ITGA11: variants seen among roughly 807,000 people sequenced by gnomAD.
ITGA11 encodes integrin subunit alpha 11, also known as integrin alpha-11.
Under a neutral mutation model 141.9 loss-of-function variants are expected in ITGA11, and 97 were observed. That is an observed-to-expected ratio of 0.68 (90% CI 0.58 to 0.81). The LOEUF (loss-of-function observed/expected upper bound fraction) is 0.81, where lower values mean the gene tolerates loss of function less well. ITGA11 is among the 30% of genes least tolerant of loss of function. ITGA11 has a pLI of 0.00. For missense variants in ITGA11, 1,387 were observed against 1,559.2 expected, an observed-to-expected ratio of 0.89 and a Z score of 1.86; for synonymous variants, 658 against 624.6, an observed-to-expected ratio of 1.05 and a Z score of -0.80.
chr15:68,385,242 C>T (rs1377491673), intron 2 of ITGA11, among the ~76,000 whole-genome samples: 1 of 152,218 alleles, frequency 6.6e-6, no homozygotes, highest in Non-Finnish European at 1.5e-5. Flanking sequence ...AGCCTAGATT[C>T]TCCCTGTAGT....
At position 68,307,629 on chromosome 15, in the gene ITGA11, T is replaced by C. The variant is rs768869684; in HGVS notation, c.3242A>G (p.Asn1081Ser). The part of the protein sequence containing the change: ...NIRLVPNQEI[N>S]FHLLGNLWLR... ...CCACAGGTTCCCCAGTAGATGGAAA[T>C]TGATTTCCTGGTTGGGGACCAGCCG... Residue 1081 changes from asparagine (N) to serine (S), a missense_variant, in exon 27 of 30, where the codon AAT becomes AGT. Coordinates refer to ENST00000315757, the MANE Select transcript of ITGA11 (RefSeq NM_001004439.2). The surrounding 1 kb of genome is among the most constrained non-coding windows in gnomAD (Gnocchi z 6.1). 1.2e-5 allele frequency: 19 copies of C among 1,613,644 alleles called. No individual in the cohort carries two copies. In the East Asian group the frequency reaches 3.8e-4, roughly 32 times the overall value.
At chr15:68,350,578 C>T (rs774916450) in intron 9 of ITGA11, 39 bp downstream of exon 9, 5 of 1,589,002 alleles carry the variant, frequency 3.1e-6, no homozygotes, top group South Asian at 1.1e-5. Context: ...GACATAAGCC[C>T]AGGAGAGAGT....
At chr15:68,407,915 C>T (rs988937241) in intron 1 of ITGA11, among the ~76,000 whole-genome samples, 5 of 152,214 alleles carry the variant, frequency 3.3e-5, no homozygotes, top group Non-Finnish European at 1.5e-5. Flanking sequence ...ATGGCTAAGG[C>T]CATTCAACAG....
At chr15:68,406,594 A>G (rs1310392833) in intron 1 of ITGA11, among the ~76,000 whole-genome samples, 1 of 152,174 alleles carries the variant, frequency 6.6e-6, no homozygotes, top group Non-Finnish European at 1.5e-5. Context: ...AGCGTTTATC[A>G]CAAACATATG....
intron 7 of ITGA11, among the ~76,000 whole-genome samples, chr15:68,356,246 C>T (rs1212168142): frequency 6.6e-6 from 1 of 151,952 alleles, no homozygotes; most frequent in African/African-American, 2.4e-5. Context: ...CAAGCGCATG[C>T]CGCCATGCCC....
At chr15:68,406,942 TC>T (rs1203134704) in intron 1 of ITGA11, among the ~76,000 whole-genome samples, 3 of 152,272 alleles carry the variant, frequency 2.0e-5, no homozygotes, top group East Asian at 3.9e-4. Context: ...TTAAATAGTT[TC>T]CCCAAATCAC....
At chr15:68,426,535 A>G (rs949585939) in intron 1 of ITGA11, among the ~76,000 whole-genome samples, 24 of 152,158 alleles carry the variant, frequency 1.6e-4, no homozygotes, top group African/African-American at 5.3e-4. Flanking sequence ...CCGAGTCAGC[A>G]TCTTGTTGGA....
At position 68,320,224 on chromosome 15, in the gene ITGA11, C is replaced by T. The variant is rs372916299; in HGVS notation, c.2577G>A (p.Ser859=). 9.3e-6 allele frequency: 15 copies of T among 1,614,014 alleles called. No homozygotes were observed. Among genetic ancestry groups the T allele is most frequent in the Admixed American group, 3.3e-5 (2 of 60,022 alleles). The change falls in exon 20 of 30, where the codon TCG becomes TCA. Residue 859 remains serine, a synonymous_variant. Coordinates refer to ENST00000315757, the MANE Select transcript of ITGA11 (RefSeq NM_001004439.2). ...ENAYSTVLNI[S]QSANLQFASL... Reference sequence around the variant, plus strand: ...TGGCAAACTGCAGGTTTGCTGACTGCGAGATATTTAGGACCGTGCTGTAGG... The same window carrying T: ...TGGCAAACTGCAGGTTTGCTGACTGTGAGATATTTAGGACCGTGCTGTAGG...
In ITGA11 at chr15:68,350,683, C is replaced by A; in HGVS notation, c.994G>T (p.Val332Phe). 6.2e-7 allele frequency: 1 copy of A among 1,613,944 alleles called. No individual in the cohort carries two copies. Among genetic ancestry groups the A allele is most frequent in the Non-Finnish European group, 8.5e-7 (1 of 1,179,866 alleles). The change falls in exon 9 of 30, where the codon GTC becomes TTC. Residue 332 changes from valine (V) to phenylalanine (F), a missense_variant. Coordinates refer to ENST00000315757, the MANE Select transcript of ITGA11 (RefSeq NM_001004439.2). ...SDPDDKHFFN[V>F]TDEAALKDIV... ...TCCTTCAAGGCAGCCTCATCAGTGA[C>A]ATTGAAGAAGTGCTTGTCATCAGGG...
chr15:68,339,743 C>T (rs1894502879), intron 10 of ITGA11, 99 bp from the exon 11 acceptor site: 29 of 1,367,872 alleles, frequency 2.1e-5, no homozygotes, highest in Non-Finnish European at 2.9e-5. Flanking sequence ...CCACCAGCCA[C>T]CTCGGGCACC....
At position 68,303,978 on chromosome 15, in the gene ITGA11, C is replaced by A; in HGVS notation, c.3382-93G>T. 1 of 736,388 alleles carries A rather than the reference C, an allele frequency of 1.4e-6. No individual in the cohort carries two copies. The highest frequency in any genetic ancestry group is 2.9e-4 in the Middle Eastern group (1 of 3,474). The allele number at this position is 736,388 out of a possible 1,614,324, so 45.6% of individuals were successfully genotyped here. On this transcript the variant is annotated intron_variant, in intron 28 of 29. Transcript: ENST00000315757. This position sits in a 1 kb window ranked among gnomAD's most constrained non-coding sequence, Gnocchi z 5.3. ...GCAGGAGGGTGGAGACAGCTGGCAC[C>A]TGGTGGGGGAGCTGCATCCTCTTCC...
chr15:68,403,690 A>G (rs1336422799), intron 1 of ITGA11, among the ~76,000 whole-genome samples: 1 of 151,708 alleles, frequency 6.6e-6, no homozygotes, highest in East Asian at 1.9e-4. Context: ...GCTGGAGCAC[A>G]GTGGCTCGGT....
At position 68,326,565 on chromosome 15, in the gene ITGA11, G is replaced by T; in HGVS notation, c.2211+89C>A. On this transcript the variant is annotated intron_variant, in intron 17 of 29. Coordinates refer to ENST00000315757, the MANE Select transcript of ITGA11 (RefSeq NM_001004439.2). This position sits in a 1 kb window ranked among gnomAD's most constrained non-coding sequence, Gnocchi z 6.8. The stretch of plus-strand genomic sequence containing the variant: ...CTTCCTGAGGTCTGCTGGGGGCTTA[G>T]AACCAGCCAGGCAGACTCTCTGCCT... 1 of 1,427,490 alleles carries T rather than the reference G, an allele frequency of 7.0e-7. No individual in the cohort carries two copies. The allele number at this position is 1,427,490 out of a possible 1,614,324, so 88.4% of individuals were successfully genotyped here. A position where few individuals can be genotyped will look rare whatever the true frequency, so the allele number is the denominator to read the frequency against.
chr15:68,324,874 T>A lies in ITGA11; in HGVS notation c.2322+257A>T, dbSNP rs536248635. Reference sequence around the variant, plus strand: ...CCGGTGCTCACCCTGTGCTCCCCTGTGCTGGGGATACGGGGAAACTTGAAC... The same window carrying A: ...CCGGTGCTCACCCTGTGCTCCCCTGAGCTGGGGATACGGGGAAACTTGAAC... On this transcript the variant is annotated intron_variant, in intron 18 of 29. Coordinates refer to ENST00000315757, the MANE Select transcript of ITGA11 (RefSeq NM_001004439.2). The surrounding 1 kb of genome is among the most constrained non-coding windows in gnomAD (Gnocchi z 6.3). 6.6e-6 allele frequency among the ~76,000 whole-genome samples: 1 copy of A among 152,240 alleles called. No homozygotes were observed. Among genetic ancestry groups the A allele is most frequent in the Admixed American group, 6.5e-5 (1 of 15,298 alleles).
At chr15:68,397,717 A>G (rs867468487) in intron 2 of ITGA11, among the ~76,000 whole-genome samples, 40 of 59,284 alleles carry the variant, frequency 6.7e-4, no homozygotes, top group African/African-American at 2.2e-3. Context: ...TATTATATTT[A>G]AAATATTATA....
At position 68,333,974 on chromosome 15, in the gene ITGA11, A is replaced by G. The variant is rs76184802; in HGVS notation, c.1426-1496T>C. On this transcript the variant is annotated intron_variant, in intron 12 of 29. Coordinates refer to ENST00000315757, the MANE Select transcript of ITGA11 (RefSeq NM_001004439.2). The surrounding 1 kb of genome is among the most constrained non-coding windows in gnomAD (Gnocchi z 4.2). Reference sequence around the variant, plus strand: ...CACTCCCCGCCCCTGCGTCCTCCCCAGACCATCCCCTGCCATCCCTCAAGT... The same window carrying G: ...CACTCCCCGCCCCTGCGTCCTCCCCGGACCATCCCCTGCCATCCCTCAAGT... Among the ~76,000 whole-genome samples the G allele has an allele frequency of 0.011, 1,705 of 152,090 alleles. 77 individuals carry two copies. The highest frequency in any genetic ancestry group is 0.078 in the Admixed American group (1,187 of 15,286).
chr15:68,379,420 A>G (rs1895806738), intron 2 of ITGA11, among the ~76,000 whole-genome samples: 1 of 152,208 alleles, frequency 6.6e-6, no homozygotes, highest in Admixed American at 6.5e-5. Context: ...ATCTCCCCCC[A>G]GCGCTGGTCA....
Position 68,328,361 on chromosome 15 carries a change from C to T in ITGA11, c.1902-99G>A. 1 of 1,051,658 alleles carries T rather than the reference C, an allele frequency of 9.5e-7. No individual in the cohort carries two copies. Among genetic ancestry groups the T allele is most frequent in the African/African-American group, 1.6e-5 (1 of 60,918 alleles). 65.1% of individuals were successfully genotyped at this position (1,051,658 alleles called of 1,614,324 possible). On this transcript the variant is annotated intron_variant, in intron 15 of 29. Transcript: ENST00000315757. The surrounding 1 kb of genome is among the most constrained non-coding windows in gnomAD (Gnocchi z 4.8). ...AAGAACCAGATGCGAGTGGGATCTG[C>T]AAAGCCACTGGAGGGGGTGAGGTGG...
At chr15:68,387,908 T>C (rs1423097502) in intron 2 of ITGA11, among the ~76,000 whole-genome samples, 2 of 152,108 alleles carry the variant, frequency 1.3e-5, no homozygotes, top group Non-Finnish European at 2.9e-5. Flanking sequence ...CCTATGGACG[T>C]TCTGCAGTCT....
Sources: gnomAD v4.1 joint callset for allele counts (sites outside exome capture counted in the v4.1 genomes callset) on GRCh38, gnomAD v4.1.1 for gene constraint, Gnocchi (gnomAD v3.1) non-coding constraint, MANE v1.5 for transcripts, NCBI Gene and HGNC (gene_info 2026-07-23, HGNC 2026-07-21) for gene names.